PHF3: variants seen among roughly 807,000 people sequenced by gnomAD.
PHF3 encodes the protein PHD finger protein 3.
PHF3 carries 41 observed loss-of-function variants against 178.4 expected under a neutral mutation model. That is an observed-to-expected ratio of 0.23 (90% CI 0.18 to 0.30). The LOEUF (loss-of-function observed/expected upper bound fraction) is 0.30. Among genes scored for constraint, PHF3 ranks in the 10% least tolerant of loss-of-function variants. The pLI, the probability that PHF3 is intolerant of heterozygous loss-of-function variation, is 1.00. For synonymous variants in PHF3, 842 were observed against 800.5 expected (o/e 1.05, Z -0.88); for missense variants, 2,346 against 2,398.1 (o/e 0.98, Z 0.45).
intron 2 of PHF3, among the ~76,000 whole-genome samples, chr6:63,650,456 A>G (rs1233957018): frequency 6.6e-6 from 1 of 152,248 alleles, no homozygotes; most frequent in African/African-American, 2.4e-5. Context: ...ACCTGCTTAC[A>G]TCACATGTTG....
chr6:63,672,204 T>C (rs937206669), intron 2 of PHF3, among the ~76,000 whole-genome samples: 1 of 152,144 alleles, frequency 6.6e-6, no homozygotes, highest in Non-Finnish European at 1.5e-5. Flanking sequence ...AAATGAACTA[T>C]GAGACAATAA....
At chr6:63,711,443 C>G in intron 15 of PHF3, 81 bp downstream of exon 15, 1 of 1,372,288 alleles carries the variant, frequency 7.3e-7, no homozygotes, top group Non-Finnish European at 1.0e-6. Context: ...ATTCTGCCTT[C>G]TTTCTCAGGA....
intron 1 of PHF3, among the ~76,000 whole-genome samples, chr6:63,642,665 T>C (rs1434234181): frequency 2.6e-5 from 4 of 152,194 alleles, no homozygotes. Flanking sequence ...ATACACCCTA[T>C]ATAGGCTTAT....
intron 11 of PHF3, among the ~76,000 whole-genome samples, chr6:63,705,734 T>G (rs2149605825): frequency 6.6e-6 from 1 of 152,338 alleles, no homozygotes; most frequent in East Asian, 1.9e-4. Context: ...AAGGGGAAAT[T>G]AACTTTATTA....
chr6:63,703,043 A>G (rs375652019), intron 10 of PHF3, among the ~76,000 whole-genome samples: 2 of 152,250 alleles, frequency 1.3e-5, no homozygotes, highest in East Asian at 1.9e-4. Context: ...ACACCCAGCT[A>G]ATTTTTGTAT....
chr6:63,684,758 A>C lies in PHF3; in HGVS notation c.1036A>C (p.Ser346Arg). The stretch of plus-strand genomic sequence containing the variant: ...GGACGCTGGATCTTCTGATATTTCT[A>C]GTGATGCTGCTTGTACAAATCCAAA... ...LEDAGSSDIS[S>R]DAACTNPNKT... The change falls in exon 4 of 16, where the codon AGT becomes CGT. Residue 346 changes from serine to arginine, a missense_variant. Transcript: ENST00000262043. The C allele has an allele frequency of 6.2e-7, 1 of 1,614,032 alleles. No individual in the cohort carries two copies. The highest frequency in any genetic ancestry group is 8.5e-7 in the Non-Finnish European group (1 of 1,179,906).
intron 2 of PHF3, among the ~76,000 whole-genome samples, chr6:63,668,248 G>T (rs1203247238): frequency 6.6e-6 from 1 of 152,242 alleles, no homozygotes; most frequent in Non-Finnish European, 1.5e-5. Flanking sequence ...AGAGTTAGGA[G>T]TTGGAGGAAT....
At chr6:63,641,453 C>T (rs943682238) in intron 1 of PHF3, among the ~76,000 whole-genome samples, 2 of 151,376 alleles carry the variant, frequency 1.3e-5, no homozygotes, top group Admixed American at 6.6e-5. Flanking sequence ...ATGTAGACTA[C>T]GTGAGAGACA....
In PHF3 at chr6:63,722,277, C is replaced by G. The variant is rs980172613; in HGVS notation, c.*8569C>G. 6.6e-6 allele frequency among the ~76,000 whole-genome samples: 1 copy of G among 152,054 alleles called. No individual in the cohort carries two copies. Among genetic ancestry groups the G allele is most frequent in the African/African-American group, 2.4e-5 (1 of 41,408 alleles). ...ATTAAGGATTTCATTCGCCTGTTTT[C>G]TAGGAACACTCCGCCACCCCATTCC... On this transcript the variant is annotated 3_prime_UTR_variant, in exon 16 of 16. Coordinates refer to ENST00000262043, the MANE Select transcript of PHF3 (RefSeq NM_001370348.2).
intron 6 of PHF3, among the ~76,000 whole-genome samples, chr6:63,696,458 A>G (rs1767233516): frequency 6.6e-6 from 1 of 152,130 alleles, no homozygotes. Context: ...TGGCTGGACT[A>G]CAGGTGTGCA....
At chr6:63,703,893 T>G (rs1363789399) in intron 11 of PHF3, among the ~76,000 whole-genome samples, 1 of 152,206 alleles carries the variant, frequency 6.6e-6, no homozygotes, top group Non-Finnish European at 1.5e-5. Flanking sequence ...ATATATGATT[T>G]GAACTTAAAA....
rs557256989 is a variant in PHF3 at position 63,664,235 on chromosome 6, G to A, written c.245-15765G>A. ...TAGGCTTTTTTTCAGAGCACATCCT[G>A]CCTCACTTGTCAAAGACTTCTAGAC... On this transcript the variant is annotated intron_variant, in intron 2 of 15. Coordinates refer to ENST00000262043, the MANE Select transcript of PHF3 (RefSeq NM_001370348.2). Among the ~76,000 whole-genome samples, 8 of 152,284 alleles carry A rather than the reference G, an allele frequency of 5.3e-5. No homozygotes were observed. In the South Asian group the frequency reaches 1.7e-3, roughly 32 times the overall value.
At chr6:63,664,592 T>G (rs1765601225) in intron 2 of PHF3, among the ~76,000 whole-genome samples, 1 of 152,194 alleles carries the variant, frequency 6.6e-6, no homozygotes, top group Admixed American at 6.5e-5. Context: ...ATATTAAATA[T>G]TTTAAAATGT....
intron 4 of PHF3, among the ~76,000 whole-genome samples, chr6:63,687,797 T>C (rs772665273): frequency 2.0e-5 from 3 of 152,220 alleles, no homozygotes; most frequent in Non-Finnish European, 4.4e-5. Flanking sequence ...TGTTGTTGTT[T>C]ACTTGCTGCC....
Position 63,718,472 on chromosome 6 carries a change from T to A in PHF3, c.*4764T>A, listed in dbSNP as rs573783953. The stretch of plus-strand genomic sequence containing the variant: ...TGTTAATGATAATCTCATCTGTTAA[T>A]GTAACATTTATATAAAAGTTAACTT... On this transcript the variant is annotated 3_prime_UTR_variant, in exon 16 of 16. Coordinates refer to ENST00000262043, the MANE Select transcript of PHF3 (RefSeq NM_001370348.2). Among the ~76,000 whole-genome samples, 8 of 152,066 alleles carry A rather than the reference T, an allele frequency of 5.3e-5. No homozygotes were observed. Among genetic ancestry groups the A allele is most frequent in the Non-Finnish European group, 8.8e-5 (6 of 67,936 alleles).
At position 63,721,130 on chromosome 6, in the gene PHF3, G is replaced by A. The variant is rs1404137865; in HGVS notation, c.*7422G>A. ...TTCTCATTCTATAATTTGGATCAAT[G>A]TATTTAATGTAAGAATTACCCATAA... On this transcript the variant is annotated 3_prime_UTR_variant, in exon 16 of 16. Transcript: ENST00000262043. The A allele has an allele frequency of 1.9e-6, 3 of 1,551,320 alleles. No homozygotes were observed. Among genetic ancestry groups the A allele is most frequent in the East Asian group, 2.4e-5 (1 of 40,912 alleles).
chr6:63,657,083 C>T (rs1196147310), intron 2 of PHF3, among the ~76,000 whole-genome samples: 1 of 152,152 alleles, frequency 6.6e-6, no homozygotes, highest in Non-Finnish European at 1.5e-5. Flanking sequence ...TCTGCAAACT[C>T]CTGGAAGACA....
intron 5 of PHF3, among the ~76,000 whole-genome samples, chr6:63,692,665 A>G (rs1428226991): frequency 1.3e-5 from 2 of 152,230 alleles, no homozygotes; most frequent in Non-Finnish European, 2.9e-5. Context: ...CCAAAACGCA[A>G]AGAACATGAA....
At position 63,668,460 on chromosome 6, in the gene PHF3, A is replaced by G. The variant is rs201123700; in HGVS notation, c.245-11540A>G. ...GTGATCCTCCTGCCTCAGCTTCCCA[A>G]GTAGCTGGGACCACAGGTGTGTACC... On this transcript the variant is annotated intron_variant, in intron 2 of 15. Coordinates refer to ENST00000262043, the MANE Select transcript of PHF3 (RefSeq NM_001370348.2). Among the ~76,000 whole-genome samples the G allele has an allele frequency of 4.6e-5, 7 of 152,146 alleles. No individual in the cohort carries two copies. The East Asian group carries it at 1.4e-3, about 29-fold the overall frequency.
Sources: gnomAD v4.1 joint callset for allele counts (sites outside exome capture counted in the v4.1 genomes callset) on GRCh38, gnomAD v4.1.1 for gene constraint, MANE v1.5 for transcripts, NCBI Gene and HGNC (gene_info 2026-07-23, HGNC 2026-07-21) for gene names.